The following FHIT variants were observed in gnomAD, a reference collection of about 807,000 sequenced individuals.
FHIT encodes bis(5'-adenosyl)-triphosphatase.
Under a neutral mutation model 17.9 loss-of-function variants are expected in FHIT, and 19 were observed. The observed-to-expected ratio is 1.06, with a 90% CI of 0.74 to 1.56. The LOEUF (loss-of-function observed/expected upper bound fraction) is 1.56. FHIT is among the 40% of genes most tolerant of loss of function. FHIT has a pLI of 0.00. For missense variants in FHIT, 248 were observed against 189.2 expected, an observed-to-expected ratio of 1.31 and a Z score of -1.82; for synonymous variants, 81 against 69.7, an observed-to-expected ratio of 1.16 and a Z score of -0.81.
At chr3:60,780,019 C>G (rs973263653) in intron 4 of FHIT, among the ~76,000 whole-genome samples, 4 of 152,172 alleles carry the variant, frequency 2.6e-5, no homozygotes, top group Admixed American at 6.5e-5. Flanking sequence ...TGGCACCTAC[C>G]AAGGTCACTG....
At chr3:60,750,352 G>A (rs932793562) in intron 4 of FHIT, among the ~76,000 whole-genome samples, 1 of 152,138 alleles carries the variant, frequency 6.6e-6, no homozygotes, top group South Asian at 2.1e-4. Flanking sequence ...CTAATGACAA[G>A]TTCCCCTCCT....
In FHIT at chr3:60,837,122, T is replaced by C. The variant is rs531062528; in HGVS notation, c.-110-15111A>G. Among the ~76,000 whole-genome samples the C allele has an allele frequency of 1.4e-4, 21 of 152,250 alleles. No individual in the cohort carries two copies. In the East Asian group the frequency reaches 4.1e-3, roughly 29 times the overall value. ...AAGCTTATTCCGCCTGTCTCAAGAT[T>C]AGCCCCTGGAACTTCTAAGAAGGCA... On this transcript the variant is annotated intron_variant, in intron 3 of 9. Transcript: ENST00000492590.
intron 8 of FHIT, among the ~76,000 whole-genome samples, chr3:59,905,005 C>G (rs1460029734): frequency 2.6e-5 from 4 of 152,202 alleles, no homozygotes; most frequent in Non-Finnish European, 5.9e-5. Flanking sequence ...GGAGAGCTTA[C>G]CAAACAGAAA....
At chr3:60,318,855 CT>C (rs759885861) in intron 5 of FHIT, among the ~76,000 whole-genome samples, 18 of 152,184 alleles carry the variant, frequency 1.2e-4, no homozygotes, top group Non-Finnish European at 2.5e-4. Flanking sequence ...TGTTGGCAGG[CT>C]GATTCTTTCT....
chr3:60,460,809 C>A (rs1459995649), intron 5 of FHIT, among the ~76,000 whole-genome samples: 1 of 152,148 alleles, frequency 6.6e-6, no homozygotes, highest in Admixed American at 6.5e-5. Flanking sequence ...GAAGACAATT[C>A]TCTACATTTT....
At chr3:59,954,545 C>T (rs1707298740) in intron 7 of FHIT, among the ~76,000 whole-genome samples, 2 of 152,244 alleles carry the variant, frequency 1.3e-5, no homozygotes, top group African/African-American at 4.8e-5. Flanking sequence ...CTGGGAAAAT[C>T]TGCAATTCGA....
At chr3:60,651,664 C>T (rs1029488380) in intron 4 of FHIT, among the ~76,000 whole-genome samples, 2 of 151,866 alleles carry the variant, frequency 1.3e-5, no homozygotes, top group Non-Finnish European at 2.9e-5. Context: ...GAAAAATGAA[C>T]GGAACACACT....
At chr3:60,193,447 C>A (rs901683256) in intron 5 of FHIT, among the ~76,000 whole-genome samples, 1 of 152,102 alleles carries the variant, frequency 6.6e-6, no homozygotes, top group African/African-American at 2.4e-5. Flanking sequence ...TAATGAATTT[C>A]TAAAAGAAAA....
At chr3:60,642,988 C>T (rs529707893) in intron 4 of FHIT, among the ~76,000 whole-genome samples, 1 of 152,298 alleles carries the variant, frequency 6.6e-6, no homozygotes, top group East Asian at 1.9e-4. Flanking sequence ...AGCACTTTCA[C>T]AGTTTTTGGT....
intron 2 of FHIT, among the ~76,000 whole-genome samples, chr3:61,051,622 A>C (rs1283556536): frequency 5.9e-5 from 9 of 152,060 alleles, no homozygotes; most frequent in African/African-American, 1.9e-4. Flanking sequence ...GGCAACTACC[A>C]CTGGGTTGGC....
At chr3:60,910,286 C>T (rs1471914173) in intron 3 of FHIT, among the ~76,000 whole-genome samples, 1 of 152,098 alleles carries the variant, frequency 6.6e-6, no homozygotes, top group Non-Finnish European at 1.5e-5. Flanking sequence ...CTTCCCCCAC[C>T]ACAAAGACTG....
At chr3:60,820,135 C>A (rs1701877092) in intron 4 of FHIT, among the ~76,000 whole-genome samples, 1 of 151,948 alleles carries the variant, frequency 6.6e-6, no homozygotes, top group Non-Finnish European at 1.5e-5. Context: ...CGGTAAAACC[C>A]CATCTCTACT....
intron 5 of FHIT, among the ~76,000 whole-genome samples, chr3:60,280,223 A>G (rs886293953): frequency 6.6e-6 from 1 of 152,080 alleles, no homozygotes; most frequent in Non-Finnish European, 1.5e-5. Context: ...AACTTCGTCA[A>G]CTCGATACCA....
intron 5 of FHIT, among the ~76,000 whole-genome samples, chr3:60,134,345 G>T (rs1238280142): frequency 6.6e-6 from 1 of 152,128 alleles, no homozygotes; most frequent in Non-Finnish European, 1.5e-5. Context: ...AATCCAATGG[G>T]GCAGGTTTTT....
At chr3:60,508,094 A>G (rs2034806998) in intron 5 of FHIT, among the ~76,000 whole-genome samples, 1 of 152,192 alleles carries the variant, frequency 6.6e-6, no homozygotes, top group Admixed American at 6.5e-5. Flanking sequence ...AGCTACATGG[A>G]GAATGTATTG....
At chr3:59,771,291 T>C (rs1702061833) in intron 8 of FHIT, among the ~76,000 whole-genome samples, 1 of 152,184 alleles carries the variant, frequency 6.6e-6, no homozygotes, top group Non-Finnish European at 1.5e-5. Context: ...GAACCTGCTC[T>C]ATAAAGGCCA....
intron 3 of FHIT, among the ~76,000 whole-genome samples, chr3:60,882,888 T>A (rs1317777866): frequency 6.6e-6 from 1 of 151,964 alleles, no homozygotes; most frequent in Non-Finnish European, 1.5e-5. Context: ...GAGAAAGAAA[T>A]AAAGGGCATT....
At chr3:59,911,538 G>A (rs1167144440) in intron 8 of FHIT, among the ~76,000 whole-genome samples, 1 of 152,154 alleles carries the variant, frequency 6.6e-6, no homozygotes, top group South Asian at 2.1e-4. Flanking sequence ...AGCTGGCCTT[G>A]GTGATTTGAT....
chr3:60,577,076 T>A lies in FHIT; in HGVS notation c.-17-40097A>T, dbSNP rs377589014. On this transcript the variant is annotated intron_variant, in intron 4 of 9. Transcript: ENST00000492590. ...TATGGAAAAAAATTGTATGCTGTTTTTCAAATAAATAAAAAGGAGGACACT... is the reference window on the plus strand; with the variant it reads ...TATGGAAAAAAATTGTATGCTGTTTATCAAATAAATAAAAAGGAGGACACT... Among the ~76,000 whole-genome samples, 470 of 152,166 alleles carry A rather than the reference T, an allele frequency of 3.1e-3. 5 individuals carry two copies. The highest frequency in any genetic ancestry group is 5.0e-3 in the Non-Finnish European group (343 of 68,000).
Sources: allele counts gnomAD v4.1 joint callset (sites outside exome capture counted in the v4.1 genomes callset), GRCh38; gene constraint gnomAD v4.1.1; transcripts MANE v1.5; gene names NCBI Gene and HGNC (gene_info 2026-07-23, HGNC 2026-07-21).